Variants in C14orf180 observed in about 807,000 individuals in gnomAD.
C14orf180 encodes the protein chromosome 14 open reading frame 180.
In C14orf180, 13 loss-of-function variants were observed where a neutral mutation model predicts 13.9. That is an observed-to-expected ratio of 0.94 (90% CI 0.61 to 1.49). The LOEUF (loss-of-function observed/expected upper bound fraction) is 1.49, where lower values mean the gene tolerates loss of function less well. Among genes scored for constraint, C14orf180 ranks in the 40% most tolerant of loss-of-function variants. The pLI is 0.00. For missense variants in C14orf180, 238 were observed against 232.0 expected (o/e 1.03, Z -0.17); for synonymous variants, 113 against 106.3 (o/e 1.06, Z -0.39).
rs560826859 is a variant in C14orf180 at position 104,590,024 on chromosome 14, G to C, written c.*1241G>C. ...AGCCCCTGGGTCTTGAGGGATGCCC[G>C]GCCGGCTCCCTTTGCCCTGCAGTCA... On this transcript the variant is annotated 3_prime_UTR_variant, in exon 5 of 5. Transcript: ENST00000557649. 12 of 152,170 alleles carry C rather than the reference G, an allele frequency of 7.9e-5. No homozygotes were observed. The highest frequency in any genetic ancestry group is 7.2e-4 in the Admixed American group (11 of 15,278). The allele number at this position is 152,170 out of a possible 1,614,324, so 9.4% of individuals were successfully genotyped here.
At chr14:104,582,529 G>C (rs916492331) in intron 1 of C14orf180, among the ~76,000 whole-genome samples, 24 of 152,258 alleles carry the variant, frequency 1.6e-4, no homozygotes, top group African/African-American at 5.8e-4. Flanking sequence ...CCAGCAGTAC[G>C]GGCTGGTCAT....
At chr14:104,586,371 C>A in intron 1 of C14orf180, 44 bp from the exon 2 acceptor site, 1 of 1,217,696 alleles carries the variant, frequency 8.2e-7, no homozygotes, top group Non-Finnish European at 1.1e-6. Flanking sequence ...CCTCTGAGTG[C>A]CACTTGTGCA....
At chr14:104,581,610 ACCAGCAGGAGC>A (rs1886434532) in intron 1 of C14orf180, 1 of 151,422 alleles carries the variant, frequency 6.6e-6, no homozygotes, top group Non-Finnish European at 1.5e-5. Flanking sequence ...GAGGTACAGC[ACCAGCAGGAGC>A]CCAGGTGGGC....
chr14:104,581,856 GAC>G (rs920049149), intron 1 of C14orf180, among the ~76,000 whole-genome samples: 1 of 152,150 alleles, frequency 6.6e-6, no homozygotes, highest in Non-Finnish European at 1.5e-5. Context: ...CAGGCCCCGG[GAC>G]CCTCTGCCCC....
rs1278374407 is a variant in C14orf180 at position 104,588,323 on chromosome 14, C to G, written c.277+14C>G. ...CCACTGTCAGGGGTGAGTTCTGAGC[C>G]CACATCCCTGTGCCCCACTGCCCCC... is the stretch of plus-strand genomic sequence containing the variant. On this transcript the variant is annotated intron_variant, in intron 4 of 4. Coordinates refer to ENST00000557649, the MANE Select transcript of C14orf180 (RefSeq NM_001008404.3). The G allele has an allele frequency of 1.2e-6, 2 of 1,612,658 alleles. No individual in the cohort carries two copies. Among genetic ancestry groups the G allele is most frequent in the African/African-American group, 1.4e-5 (1 of 73,652 alleles).
chr14:104,588,532 A>T, intron 4 of C14orf180, 46 bp from the exon 5 acceptor site: 1 of 1,444,402 alleles, frequency 6.9e-7, no homozygotes, highest in Non-Finnish European at 9.1e-7. Context: ...CCTCCAGGGA[A>T]GGGTCGCGCT....
In C14orf180 at chr14:104,587,815, G is replaced by A; in HGVS notation, c.178G>A (p.Ala60Thr). ...CCGGCCGGAGCACCACCGCCCAGAG[G>A]CCAAGCCCCAGAGGACCTCGAGGCG... ...RSRPEHHRPE[A>T]KPQRTSRRVW... The change falls in exon 3 of 5, where the codon GCC becomes ACC. Residue 60 changes from alanine (A) to threonine (T), a missense_variant. Coordinates refer to ENST00000557649, the MANE Select transcript of C14orf180 (RefSeq NM_001008404.3). The A allele has an allele frequency of 6.2e-7, 1 of 1,612,314 alleles. No homozygotes were observed. The highest frequency in any genetic ancestry group is 8.5e-7 in the Non-Finnish European group (1 of 1,179,500).
At chr14:104,580,690 T>C (rs1886403930) in intron 1 of C14orf180, among the ~76,000 whole-genome samples, 1 of 152,096 alleles carries the variant, frequency 6.6e-6, no homozygotes, top group Non-Finnish European at 1.5e-5. Flanking sequence ...TCAGAAGGAA[T>C]CCCTGTCCTG....
chr14:104,586,605 AG>A, intron 2 of C14orf180, 64 bp downstream of exon 2: 1 of 990,454 alleles, frequency 1.0e-6, no homozygotes, highest in Non-Finnish European at 1.4e-6. Context: ...TGGAGGGGGC[AG>A]GGAGCAACAG....
intron 1 of C14orf180, among the ~76,000 whole-genome samples, chr14:104,581,984 C>T (rs144673868): frequency 6.8e-4 from 104 of 151,928 alleles, no homozygotes; most frequent in African/African-American, 2.3e-3. Flanking sequence ...AGGGGTGAGC[C>T]GGGAGTGTGG....
At chr14:104,583,968 C>T (rs957615553) in intron 1 of C14orf180, among the ~76,000 whole-genome samples, 1 of 152,104 alleles carries the variant, frequency 6.6e-6, no homozygotes, top group Admixed American at 6.5e-5. Flanking sequence ...CACTCATGCC[C>T]TCTGACACAC....
At chr14:104,586,695 A>G (rs1596289580) in intron 2 of C14orf180, among the ~76,000 whole-genome samples, 154 bp downstream of exon 2, 3 of 62,208 alleles carry the variant, frequency 4.8e-5, no homozygotes, top group African/African-American at 1.3e-4. Context: ...GGCTGGGGGG[A>G]GCAGCGGGGG....
At chr14:104,581,924 C>T (rs1408980898) in intron 1 of C14orf180, among the ~76,000 whole-genome samples, 2 of 151,768 alleles carry the variant, frequency 1.3e-5, no homozygotes, top group South Asian at 2.1e-4. Flanking sequence ...AGGGGTGAGC[C>T]GGGAGTGTGG....
At chr14:104,580,263 TG>T (rs1239635270) in intron 1 of C14orf180, among the ~76,000 whole-genome samples, 2 of 151,954 alleles carry the variant, frequency 1.3e-5, no homozygotes, top group Non-Finnish European at 2.9e-5. Flanking sequence ...AGCTCCAGAG[TG>T]GCCACCCTTC....
rs773817993 is a variant in C14orf180, at chr14:104,587,772, CT to C, written c.136del (p.Ser46ProfsTer3). On this transcript the variant is annotated frameshift_variant, in exon 3 of 5. Transcript: ENST00000557649. LOFTEE classifies it high-confidence loss of function. Reference sequence around the variant, plus strand: ...AGGAGGACAACAGGAAGTGCCCCCCCTCCATCCTGAAACGGAGCCGGCCGGA... The same window carrying C: ...AGGAGGACAACAGGAAGTGCCCCCCCCCATCCTGAAACGGAGCCGGCCGGA... ...EREDNRKCPP[S>X]ILKRSRPEHH... 5.6e-6 allele frequency: 9 copies of C among 1,612,806 alleles called. No homozygotes were observed. In the East Asian group the frequency reaches 8.9e-5, roughly 16 times the overall value.
intron 1 of C14orf180, among the ~76,000 whole-genome samples, chr14:104,584,410 G>C (rs1035691733): frequency 1.3e-5 from 2 of 152,156 alleles, no homozygotes; most frequent in African/African-American, 2.4e-5. Context: ...ACCCCACCCT[G>C]GGCTTTAGCA....
rs1263121029 is a variant in C14orf180 at position 104,589,833 on chromosome 14, C to T, written c.*1050C>T. 1 of 152,192 alleles carries T rather than the reference C, an allele frequency of 6.6e-6. No individual in the cohort carries two copies. The highest frequency in any genetic ancestry group is 1.5e-5 in the Non-Finnish European group (1 of 68,032). 9.4% of individuals were successfully genotyped at this position (152,192 alleles called of 1,614,324 possible). A position where few individuals can be genotyped will look rare whatever the true frequency, so the allele number is the denominator to read the frequency against. ...GGAGACACTGTTTTATTAAAACACA[C>T]CGTGGCTTCCTTCAGTCTTGGTGTT... On this transcript the variant is annotated 3_prime_UTR_variant, in exon 5 of 5. Transcript: ENST00000557649. The surrounding 1 kb of genome is among the most constrained non-coding windows in gnomAD (Gnocchi z 4.9).
rs762870829 is a variant in C14orf180, at chr14:104,587,893, G to A, written c.241+15G>A. The A allele has an allele frequency of 8.2e-6, 13 of 1,594,552 alleles. No homozygotes were observed. Among genetic ancestry groups the A allele is most frequent in the Middle Eastern group, 1.7e-4 (1 of 6,014 alleles). On this transcript the variant is annotated intron_variant, in intron 3 of 4. Transcript: ENST00000557649. ...GACCGTCCACTGTAAGAGGGCACCC[G>A]CAGCAAGCAGCTGGGAGAGGGTGGA...
intron 2 of C14orf180, among the ~76,000 whole-genome samples, chr14:104,586,960 T>C (rs1333028515): frequency 1.3e-5 from 2 of 152,182 alleles, no homozygotes; most frequent in African/African-American, 4.8e-5. Context: ...GGCTGGGGCA[T>C]GCCACAGGCA....
Sources: allele counts gnomAD v4.1 joint callset (sites outside exome capture counted in the v4.1 genomes callset), GRCh38; gene constraint gnomAD v4.1.1; non-coding constraint Gnocchi (gnomAD v3.1); transcripts MANE v1.5; gene names NCBI Gene and HGNC (gene_info 2026-07-23, HGNC 2026-07-21).